Variants in CDC73 observed in about 807,000 individuals in gnomAD.
CDC73 encodes the protein parafibromin.
CDC73 carries 21 observed loss-of-function variants against 83.7 expected under a neutral mutation model. The ratio of observed to expected loss-of-function variants is 0.25; its 90% CI spans 0.18 to 0.36. CDC73 has a LOEUF of 0.36. CDC73 is among the 10% of genes least tolerant of loss of function. The pLI is 1.00. For synonymous variants in CDC73, 224 were observed against 212.9 expected, an observed-to-expected ratio of 1.05 and a Z score of -0.45; for missense variants, 342 against 653.3, an observed-to-expected ratio of 0.52 and a Z score of 5.19.
chr1:193,161,645 TAA>T lies in CDC73; in HGVS notation c.972+9202_972+9203del, dbSNP rs1336493201. On this transcript the variant is annotated intron_variant, in intron 10 of 16. Transcript: ENST00000367435. ...TATGATAGATATATAATATATTATA[TAA>T]TATATAATATATTATATATCTATCA... Among the ~76,000 whole-genome samples the T allele has an allele frequency of 7.4e-5, 6 of 81,024 alleles. 1 individual carries two copies. The East Asian group carries it at 1.1e-3, about 15-fold the overall frequency. The allele number at this position is 81,024 out of a possible 152,430, so 53.2% of individuals were successfully genotyped here.
rs369570206 is a variant in CDC73 at position 193,136,206 on chromosome 1, A to G, written c.423+617A>G. On this transcript the variant is annotated intron_variant, in intron 5 of 16. Coordinates refer to ENST00000367435, the MANE Select transcript of CDC73 (RefSeq NM_024529.5). ...GTGTGAAAGCACTCATAGACAATAC[A>G]TAAATGAACAGATGTGGCTATGTTT... 7.0e-4 allele frequency among the ~76,000 whole-genome samples: 106 copies of G among 152,336 alleles called. 1 individual carries two copies. Among genetic ancestry groups the G allele is most frequent in the South Asian group, 6.4e-3 (31 of 4,832 alleles).
At chr1:193,224,379 CAT>C (rs762593239) in intron 13 of CDC73, among the ~76,000 whole-genome samples, 39 of 151,640 alleles carry the variant, frequency 2.6e-4, no homozygotes, top group African/African-American at 7.0e-4. Context: ...CACATATACA[CAT>C]ATATGAAATA....
chr1:193,205,440 C>A, intron 11 of CDC73, among the ~76,000 whole-genome samples: 1 of 151,932 alleles, frequency 6.6e-6, no homozygotes, highest in Non-Finnish European at 1.5e-5. Context: ...GTACATGGGG[C>A]TTATATTGGG....
At chr1:193,218,754 T>A (rs899460650) in intron 13 of CDC73, among the ~76,000 whole-genome samples, 37 of 151,924 alleles carry the variant, frequency 2.4e-4, no homozygotes, top group African/African-American at 8.7e-4. Flanking sequence ...TATGCAAAAA[T>A]CAACTCAAGA....
At chr1:193,138,361 GTCT>G (rs1454588217) in intron 6 of CDC73, among the ~76,000 whole-genome samples, 188 bp downstream of exon 6, 9 of 152,206 alleles carry the variant, frequency 5.9e-5, no homozygotes, top group Non-Finnish European at 1.2e-4. Flanking sequence ...TTTTTGAAAA[GTCT>G]TCTTGTTTCT....
intron 15 of CDC73, among the ~76,000 whole-genome samples, chr1:193,246,944 G>A (rs190866246): frequency 9.2e-5 from 14 of 152,068 alleles, no homozygotes; most frequent in Non-Finnish European, 1.6e-4. Flanking sequence ...AGCATGATCA[G>A]CTTATTCACT....
At chr1:193,197,300 G>A (rs1677017560) in intron 10 of CDC73, among the ~76,000 whole-genome samples, 1 of 151,926 alleles carries the variant, frequency 6.6e-6, no homozygotes, top group Non-Finnish European at 1.5e-5. Context: ...ATCCCATTAG[G>A]TCATGGTATA....
intron 13 of CDC73, among the ~76,000 whole-genome samples, chr1:193,214,087 TC>T (rs2102040095): frequency 6.6e-6 from 1 of 152,350 alleles, no homozygotes; most frequent in South Asian, 2.1e-4. Flanking sequence ...TGGCTCTAGT[TC>T]CAGTTCCTCT....
chr1:193,135,384 T>A lies in CDC73; in HGVS notation c.308-7T>A, dbSNP rs752356591. 3.1e-6 allele frequency: 5 copies of A among 1,609,876 alleles called. No individual in the cohort carries two copies. In the South Asian group the frequency reaches 5.5e-5, roughly 18 times the overall value. On this transcript the variant is annotated splice_polypyrimidine_tract_variant and splice_region_variant and intron_variant, in intron 3 of 16. Transcript: ENST00000367435. ...TAATCCTTACGTGAATCTTTTTATG[T>A]CTTCAGCAACATCGGCAAGTATAGA... is the stretch of plus-strand genomic sequence containing the variant.
intron 10 of CDC73, among the ~76,000 whole-genome samples, chr1:193,193,295 T>A (rs1338504668): frequency 6.6e-6 from 1 of 152,220 alleles, no homozygotes; most frequent in Admixed American, 6.5e-5. Context: ...TAGGTTCCTT[T>A]CTTTGAAGAA....
At chr1:193,164,788 T>C (rs1572170090) in intron 10 of CDC73, among the ~76,000 whole-genome samples, 1 of 152,342 alleles carries the variant, frequency 6.6e-6, no homozygotes, top group East Asian at 1.9e-4. Flanking sequence ...GTTATTTCTT[T>C]AGATGTATAG....
At chr1:193,194,714 C>T (rs1676972895) in intron 10 of CDC73, among the ~76,000 whole-genome samples, 1 of 152,092 alleles carries the variant, frequency 6.6e-6, no homozygotes, top group South Asian at 2.1e-4. Context: ...ACTACATTCA[C>T]ATGGATGTCA....
At chr1:193,243,504 A>T (rs1397524354) in intron 15 of CDC73, among the ~76,000 whole-genome samples, 1 of 152,202 alleles carries the variant, frequency 6.6e-6, no homozygotes, top group Non-Finnish European at 1.5e-5. Context: ...TGAAATTATT[A>T]AAGAAGACTG....
intron 5 of CDC73, chr1:193,136,640 G>C (rs976845367): frequency 1.1e-5 from 2 of 189,666 alleles, no homozygotes; most frequent in Non-Finnish European, 2.6e-5. Context: ...TTGGCAGTCT[G>C]GTTTCTAGCC....
At chr1:193,236,445 T>C (rs1009114800) in intron 15 of CDC73, 89 bp downstream of exon 15, 1 of 849,188 alleles carries the variant, frequency 1.2e-6, no homozygotes, top group Admixed American at 1.8e-5. Context: ...GCGCATATGA[T>C]GTGTATGTCA....
At chr1:193,159,552 A>G (rs1333701414) in intron 10 of CDC73, among the ~76,000 whole-genome samples, 2 of 151,728 alleles carry the variant, frequency 1.3e-5, no homozygotes, top group African/African-American at 4.8e-5. Flanking sequence ...TTGTATTTTT[A>G]GTAGAGACTG....
At chr1:193,133,333 T>G (rs1208234673) in intron 3 of CDC73, among the ~76,000 whole-genome samples, 1 of 152,224 alleles carries the variant, frequency 6.6e-6, no homozygotes, top group Non-Finnish European at 1.5e-5. Flanking sequence ...TAGCTAAAGA[T>G]GTTGGTTCTT....
chr1:193,227,881 G>T (rs1450666471), intron 13 of CDC73, among the ~76,000 whole-genome samples: 1 of 152,122 alleles, frequency 6.6e-6, no homozygotes, highest in Non-Finnish European at 1.5e-5. Flanking sequence ...GTTATTTAAG[G>T]CTTAAGTCTG....
intron 13 of CDC73, among the ~76,000 whole-genome samples, chr1:193,219,753 G>A (rs961091055): frequency 7.9e-5 from 12 of 152,252 alleles, no homozygotes; most frequent in Middle Eastern, 3.4e-3. Context: ...TGGGAAGAGG[G>A]AGAGGATCAA....
Sources: gnomAD v4.1 joint callset for allele counts (sites outside exome capture counted in the v4.1 genomes callset) on GRCh38, gnomAD v4.1.1 for gene constraint, MANE v1.5 for transcripts, NCBI Gene and HGNC (gene_info 2026-07-23, HGNC 2026-07-21) for gene names.